The following ABR variants were observed in gnomAD, a reference collection of about 807,000 sequenced individuals.
ABR encodes the protein ABR activator of RhoGEF and GTPase.
A neutral mutation model predicts 107.2 loss-of-function variants in ABR; 35 were observed. That is an observed-to-expected ratio of 0.33 (90% CI 0.25 to 0.43). The LOEUF (loss-of-function observed/expected upper bound fraction) is 0.43, where lower values mean the gene tolerates loss of function less well. ABR is among the 20% of genes least tolerant of loss of function. ABR has a pLI of 1.00. For missense variants in ABR, 815 were observed against 1,115.2 expected, an observed-to-expected ratio of 0.73 and a Z score of 3.83; for synonymous variants, 498 against 462.0, an observed-to-expected ratio of 1.08 and a Z score of -1.00.
At chr17:1,120,954 G>A (rs1318082859) in intron 2 of ABR, among the ~76,000 whole-genome samples, 1 of 152,170 alleles carries the variant, frequency 6.6e-6, no homozygotes, top group Non-Finnish European at 1.5e-5. Flanking sequence ...CGGGTTTTCT[G>A]TAAGACCATG....
chr17:1,226,762 G>A (rs77886616), intron 1 of ABR, among the ~76,000 whole-genome samples: 1 of 130,438 alleles, frequency 7.7e-6, no homozygotes, highest in African/African-American at 3.3e-5. Flanking sequence ...CTGTGCGTGT[G>A]TGTGCATGCA....
At chr17:1,030,319 C>A (rs1441461833) in intron 16 of ABR, among the ~76,000 whole-genome samples, 1 of 152,270 alleles carries the variant, frequency 6.6e-6, no homozygotes, top group African/African-American at 2.4e-5. Context: ...GACCCGGAAC[C>A]TGCCAGGTCA....
At chr17:1,224,181 A>G (rs796400561) in intron 1 of ABR, among the ~76,000 whole-genome samples, 5 of 152,088 alleles carry the variant, frequency 3.3e-5, no homozygotes, top group African/African-American at 1.2e-4. Context: ...CACCCAACAC[A>G]GCTGATCCTG....
rs147948970 is a variant in ABR, at chr17:1,223,637, C to T, written c.838+5156G>A. 3.5e-3 allele frequency among the ~76,000 whole-genome samples: 534 copies of T among 152,200 alleles called. 2 individuals are homozygous for T. Among genetic ancestry groups the T allele is most frequent in the African/African-American group, 0.012 (517 of 41,516 alleles). On this transcript the variant is annotated intron_variant, in intron 1 of 22. Coordinates refer to the ABR transcript ENST00000574139. ...GTTCACACTGCTGTAAAGAACTACCCGAGACTGGGTAATTTATAAAGGAAA... is the reference window on the plus strand; with the variant it reads ...GTTCACACTGCTGTAAAGAACTACCTGAGACTGGGTAATTTATAAAGGAAA...
At chr17:1,048,642 G>A (rs943454731) in intron 16 of ABR, among the ~76,000 whole-genome samples, 2 of 127,416 alleles carry the variant, frequency 1.6e-5, no homozygotes, top group African/African-American at 3.0e-5. Flanking sequence ...CACGTCCGGG[G>A]CCACGGTCAA....
At chr17:1,098,287 A>T (rs1195815965) in intron 3 of ABR, among the ~76,000 whole-genome samples, 2 of 151,880 alleles carry the variant, frequency 1.3e-5, no homozygotes, top group Non-Finnish European at 2.9e-5. Flanking sequence ...CGTGTTGGCC[A>T]AGGATGGTCT....
intron 6 of ABR, among the ~76,000 whole-genome samples, chr17:1,076,717 G>C (rs576872726): frequency 8.9e-6 from 1 of 112,174 alleles, no homozygotes; most frequent in Admixed American, 7.9e-5. Context: ...AGGTGCACGG[G>C]GGGGGTGGGG....
rs1263196552 is a variant in ABR, at chr17:1,027,654, T to C, written c.1792-14490A>G. Among the ~76,000 whole-genome samples the C allele has an allele frequency of 3.3e-5, 5 of 151,654 alleles. No homozygotes were observed. The highest frequency in any genetic ancestry group is 9.7e-5 in the African/African-American group (4 of 41,234). ...CCTGGCCGCAGTCAGGACCCACACA[T>C]AGGCCCAGGAAGAGGTGGGCTGGTG... is the stretch of plus-strand genomic sequence containing the variant. On this transcript the variant is annotated intron_variant, in intron 16 of 22. Coordinates refer to ENST00000302538, the MANE Select transcript of ABR (RefSeq NM_021962.5). The surrounding 1 kb of genome is among the most constrained non-coding windows in gnomAD (Gnocchi z 4.7).
chr17:1,078,716 T>C lies in ABR; in HGVS notation c.700+614A>G. The C allele has an allele frequency of 7.8e-7, 1 of 1,283,926 alleles. No homozygotes were observed. Among genetic ancestry groups the C allele is most frequent in the Non-Finnish European group, 1.1e-6 (1 of 933,040 alleles). 79.5% of individuals were successfully genotyped at this position (1,283,926 alleles called of 1,614,324 possible). On this transcript the variant is annotated intron_variant, in intron 6 of 22. Transcript: ENST00000302538. The surrounding 1 kb of genome is among the most constrained non-coding windows in gnomAD (Gnocchi z 7.5). ...CAGCCGCTCGCCCACCCTCCTTCCCTGCGGCCCTCTAACCTCCCCGGCCAC... is the reference window on the plus strand; with the variant it reads ...CAGCCGCTCGCCCACCCTCCTTCCCCGCGGCCCTCTAACCTCCCCGGCCAC...
chr17:1,016,892 G>A (rs542710394), intron 16 of ABR, among the ~76,000 whole-genome samples: 1 of 152,242 alleles, frequency 6.6e-6, no homozygotes, highest in Admixed American at 6.5e-5. Flanking sequence ...TGCTATAACA[G>A]GCCACTGTCA....
chr17:1,035,122 C>G (rs1017903257), intron 16 of ABR, among the ~76,000 whole-genome samples: 3 of 151,828 alleles, frequency 2.0e-5, no homozygotes, highest in Admixed American at 2.0e-4. Context: ...CCTTCTCTCC[C>G]CCAAGCCCGA....
chr17:1,070,230 C>T lies in ABR; in HGVS notation c.895-140G>A. On this transcript the variant is annotated intron_variant, in intron 8 of 22. Coordinates refer to ENST00000302538, the MANE Select transcript of ABR (RefSeq NM_021962.5). This position sits in a 1 kb window ranked among gnomAD's most constrained non-coding sequence, Gnocchi z 4.2. ...TGTCATCCCTTAACCAAAGGTGGTT[C>T]AAGCACTGCCTTTGGAGTCACATGG... 1 of 1,143,054 alleles carries T rather than the reference C, an allele frequency of 8.7e-7. No individual in the cohort carries two copies. Among genetic ancestry groups the T allele is most frequent in the East Asian group, 2.5e-5 (1 of 40,046 alleles). 70.8% of individuals were successfully genotyped at this position (1,143,054 alleles called of 1,614,324 possible). A position where few individuals can be genotyped will look rare whatever the true frequency, so the allele number is the denominator to read the frequency against.
intron 2 of ABR, among the ~76,000 whole-genome samples, chr17:1,119,788 G>A (rs888698926): frequency 3.9e-5 from 6 of 152,224 alleles, no homozygotes; most frequent in East Asian, 3.8e-4. Context: ...GCGTGTGAGC[G>A]GGACCTGACA....
chr17:1,042,411 AATAGACATGGCAGCTACATCC>A (rs2030725967), intron 16 of ABR, among the ~76,000 whole-genome samples: 1 of 139,432 alleles, frequency 7.2e-6, no homozygotes. Context: ...CGGATGGATA[AATAGACATGGCAGCTACATCC>A]ACAGATGGAC....
At position 1,073,631 on chromosome 17, in the gene ABR, G is replaced by C; in HGVS notation, c.747C>G (p.Val249=). 6.2e-7 allele frequency: 1 copy of C among 1,600,110 alleles called. No homozygotes were observed. The highest frequency in any genetic ancestry group is 8.5e-7 in the Non-Finnish European group (1 of 1,171,838). Residue 249 remains valine (V), a synonymous_variant, in exon 7 of 23, where the codon GTC becomes GTG. Transcript: ENST00000302538. ...TCGGAGGCTTGACACTCACGTGTAG[G>C]ACTAGGGTGCTCCGAGTGACCCGGT... ...PIDRVTRSTL[V]LHDLLKHTPV...
intron 1 of ABR, among the ~76,000 whole-genome samples, chr17:1,163,298 C>T (rs1357884521): frequency 6.6e-6 from 1 of 152,174 alleles, no homozygotes; most frequent in Non-Finnish European, 1.5e-5. Context: ...TTTTTTGTGT[C>T]GACTCTGTAT....
chr17:1,223,983 G>A lies in ABR; in HGVS notation c.838+4810C>T, dbSNP rs182444922. Among the ~76,000 whole-genome samples the A allele has an allele frequency of 8.5e-5, 13 of 152,294 alleles. No individual in the cohort carries two copies. In the East Asian group the frequency reaches 2.1e-3, roughly 25 times the overall value. On this transcript the variant is annotated intron_variant, in intron 1 of 22. Coordinates refer to the ABR transcript ENST00000574139. ...CAAACCCTATCAGTGCCTGTCTCCCGAAGGTGCTCTGTGGAATCCATGAAT... is the reference window on the plus strand; with the variant it reads ...CAAACCCTATCAGTGCCTGTCTCCCAAAGGTGCTCTGTGGAATCCATGAAT...
rs199578880 is a variant in ABR at position 1,011,797 on chromosome 17, C to T, written c.2101+49G>A. 9.9e-5 allele frequency: 152 copies of T among 1,529,552 alleles called. 2 individuals carry two copies. In the East Asian group the frequency reaches 2.9e-3, roughly 30 times the overall value. The allele number at this position is 1,529,552 out of a possible 1,614,324, so 94.7% of individuals were successfully genotyped here. ...CGAGCTCTCCTGTCCATCCCACCAG[C>T]CTGCTCAGACACAGCCACACCTGCC... On this transcript the variant is annotated intron_variant, in intron 19 of 22. Transcript: ENST00000302538. This position sits in a 1 kb window ranked among gnomAD's most constrained non-coding sequence, Gnocchi z 4.8.
At chr17:1,160,531 T>TTTCA (rs1312897656) in intron 1 of ABR, among the ~76,000 whole-genome samples, 5 of 152,222 alleles carry the variant, frequency 3.3e-5, no homozygotes, top group African/African-American at 1.2e-4. Flanking sequence ...TTCATTCATT[T>TTTCA]TTCATTCATT....
Sources: allele counts gnomAD v4.1 joint callset (sites outside exome capture counted in the v4.1 genomes callset), GRCh38; gene constraint gnomAD v4.1.1; non-coding constraint Gnocchi (gnomAD v3.1); transcripts MANE v1.5; gene names NCBI Gene and HGNC (gene_info 2026-07-23, HGNC 2026-07-21).